GULP1: variants seen among roughly 807,000 people sequenced by gnomAD.
GULP1 encodes GULP PTB domain containing engulfment adaptor 1, also known as PTB domain-containing engulfment adapter protein 1.
In GULP1, 19 loss-of-function variants were observed where a neutral mutation model predicts 40.9. The ratio of observed to expected loss-of-function variants is 0.46; its 90% CI spans 0.32 to 0.68. GULP1 has a LOEUF of 0.68. Among genes scored for constraint, GULP1 ranks in the 30% least tolerant of loss-of-function variants. The pLI is 0.03. For synonymous variants in GULP1, 119 were observed against 117.6 expected (o/e 1.01, Z -0.08); for missense variants, 312 against 362.2 (o/e 0.86, Z 1.12).
intron 1 of GULP1, among the ~76,000 whole-genome samples, chr2:188,383,122 T>G (rs2049219912): frequency 6.6e-6 from 1 of 152,190 alleles, no homozygotes. Context: ...TGGTACTATT[T>G]GAACTTATGT....
chr2:188,370,485 C>CCCT (rs1478712781), intron 1 of GULP1, among the ~76,000 whole-genome samples: 1 of 152,098 alleles, frequency 6.6e-6, no homozygotes, highest in African/African-American at 2.4e-5. Context: ...TTTATTTATG[C>CCCT]CCTCCTCATT....
intron 6 of GULP1, among the ~76,000 whole-genome samples, chr2:188,534,979 G>A (rs971905759): frequency 1.3e-5 from 2 of 151,038 alleles, no homozygotes; most frequent in African/African-American, 4.9e-5. Flanking sequence ...CACAAGTCTC[G>A]ATTTCCTATT....
At chr2:188,546,809 G>T (rs1248466411) in intron 7 of GULP1, among the ~76,000 whole-genome samples, 3 of 151,850 alleles carry the variant, frequency 2.0e-5, no homozygotes, top group Non-Finnish European at 4.4e-5. Context: ...TATTAATTTG[G>T]CAAAGAACAA....
chr2:188,328,050 G>T (rs2041012555), intron 1 of GULP1, among the ~76,000 whole-genome samples: 1 of 152,156 alleles, frequency 6.6e-6, no homozygotes, highest in East Asian at 1.9e-4. Flanking sequence ...AGAGCATCTG[G>T]TACCAAAAGC....
chr2:188,436,229 T>G (rs182560987), intron 2 of GULP1, among the ~76,000 whole-genome samples: 4 of 152,072 alleles, frequency 2.6e-5, no homozygotes, highest in Non-Finnish European at 5.9e-5. Flanking sequence ...TGTTTTTGTT[T>G]GTTTGTTTGT....
At chr2:188,359,132 TACA>T (rs1166219969) in intron 1 of GULP1, among the ~76,000 whole-genome samples, 1 of 152,144 alleles carries the variant, frequency 6.6e-6, no homozygotes, top group Non-Finnish European at 1.5e-5. Context: ...ATAGTAAACA[TACA>T]ACATCTTTAG....
intron 1 of GULP1, among the ~76,000 whole-genome samples, chr2:188,379,018 A>G (rs2048671140): frequency 6.6e-6 from 1 of 152,164 alleles, no homozygotes; most frequent in Admixed American, 6.5e-5. Context: ...CACACTATAT[A>G]TACTGAAAAA....
rs147814730 is a variant in GULP1, at chr2:188,385,444, C to T, written c.-45+1555C>T. ...GAAATCATTTTTTCCTCCTAAACCT[C>T]CGGGGTTGCCATGAAGACCTCTGGC... On this transcript the variant is annotated intron_variant, in intron 2 of 11. Coordinates refer to ENST00000409830, the MANE Select transcript of GULP1 (RefSeq NM_016315.4). 4.7e-3 allele frequency among the ~76,000 whole-genome samples: 709 copies of T among 152,138 alleles called. 4 individuals are homozygous for T. Among genetic ancestry groups the T allele is most frequent in the Non-Finnish European group, 7.7e-3 (526 of 67,972 alleles).
chr2:188,334,366 A>G (rs916760751), intron 1 of GULP1, among the ~76,000 whole-genome samples: 3 of 152,204 alleles, frequency 2.0e-5, no homozygotes, highest in African/African-American at 7.2e-5. Flanking sequence ...CTACTGGGAT[A>G]TGGATGTCTG....
chr2:188,329,611 G>A (rs1283509349), intron 1 of GULP1, among the ~76,000 whole-genome samples: 1 of 152,092 alleles, frequency 6.6e-6, no homozygotes, highest in Non-Finnish European at 1.5e-5. Flanking sequence ...CCTTTATAGG[G>A]CATATACTCA....
chr2:188,328,750 T>A (rs907122295), intron 1 of GULP1, among the ~76,000 whole-genome samples: 1 of 152,156 alleles, frequency 6.6e-6, no homozygotes, highest in African/African-American at 2.4e-5. Flanking sequence ...CTAATGTCTG[T>A]TTCTTAAAGA....
At chr2:188,397,099 A>T (rs1173304263) in intron 2 of GULP1, among the ~76,000 whole-genome samples, 1 of 152,188 alleles carries the variant, frequency 6.6e-6, no homozygotes, top group Admixed American at 6.5e-5. Flanking sequence ...CTTTCAAAGC[A>T]TCTGTGATTT....
chr2:188,504,689 A>G (rs1333284362), intron 4 of GULP1, among the ~76,000 whole-genome samples: 1 of 151,920 alleles, frequency 6.6e-6, no homozygotes, highest in East Asian at 1.9e-4. Context: ...TTAGTGAACT[A>G]TCAAACACTT....
chr2:188,493,861 G>T (rs1040858159), intron 4 of GULP1, among the ~76,000 whole-genome samples: 1 of 152,000 alleles, frequency 6.6e-6, no homozygotes, highest in African/African-American at 2.4e-5. Flanking sequence ...ATTGGGTTGC[G>T]TCAGTTCTCA....
At chr2:188,423,490 CCATTCAGAGATTA>C (rs1197715026) in intron 2 of GULP1, among the ~76,000 whole-genome samples, 2 of 151,644 alleles carry the variant, frequency 1.3e-5, no homozygotes, top group Non-Finnish European at 3.0e-5. Context: ...AACAATTGTT[CCATTCAGAGATTA>C]CATGATTATG....
chr2:188,319,652 A>C (rs902819788), intron 1 of GULP1, among the ~76,000 whole-genome samples: 3 of 152,156 alleles, frequency 2.0e-5, no homozygotes, highest in Non-Finnish European at 4.4e-5. Context: ...ATGTAGCTTA[A>C]ATAGCAACCC....
intron 7 of GULP1, among the ~76,000 whole-genome samples, chr2:188,551,748 C>T (rs1163692764): frequency 1.3e-5 from 2 of 151,632 alleles, no homozygotes; most frequent in Non-Finnish European, 3.0e-5. Context: ...TTGAAATCTT[C>T]ATACTGTTTT....
chr2:188,401,715 A>G lies in GULP1; in HGVS notation c.-45+17826A>G, dbSNP rs75646835. 2.0e-3 allele frequency among the ~76,000 whole-genome samples: 303 copies of G among 152,254 alleles called. 1 individual carries two copies. The highest frequency in any genetic ancestry group is 6.7e-3 in the African/African-American group (277 of 41,568). On this transcript the variant is annotated intron_variant, in intron 2 of 11. Transcript: ENST00000409830. ...TTAAGTAGCTATTTGAGAAATCAGG[A>G]TAAAAATGCTACTTTTGGACATAAA...
chr2:188,475,501 T>A (rs1575490735), intron 2 of GULP1, among the ~76,000 whole-genome samples: 1 of 152,060 alleles, frequency 6.6e-6, no homozygotes, highest in Non-Finnish European at 1.5e-5. Context: ...AATTTTTAAA[T>A]CATATAGTAT....
Sources: gnomAD v4.1 joint callset for allele counts (sites outside exome capture counted in the v4.1 genomes callset) on GRCh38, gnomAD v4.1.1 for gene constraint, MANE v1.5 for transcripts, NCBI Gene and HGNC (gene_info 2026-07-23, HGNC 2026-07-21) for gene names.